The following STX2 variants were observed in gnomAD, a reference collection of about 807,000 sequenced individuals.
The protein encoded by STX2 is syntaxin 2.
Under a neutral mutation model 40.6 loss-of-function variants are expected in STX2, and 27 were observed. That is an observed-to-expected ratio of 0.66 (90% CI 0.49 to 0.92). The LOEUF (loss-of-function observed/expected upper bound fraction) is 0.92. Among genes scored for constraint, STX2 ranks in the 40% least tolerant of loss-of-function variants. The pLI, the probability that STX2 is intolerant of heterozygous loss-of-function variation, is 0.00. For synonymous variants in STX2, 123 were observed against 119.1 expected (o/e 1.03, Z -0.22); for missense variants, 328 against 366.1 (o/e 0.90, Z 0.85).
intron 2 of STX2, among the ~76,000 whole-genome samples, chr12:130,822,780 C>G (rs1037194382): frequency 6.6e-6 from 1 of 152,146 alleles, no homozygotes; most frequent in African/African-American, 2.4e-5. Context: ...CCAGAGGCTG[C>G]AATGTGTGTG....
At chr12:130,818,828 G>A (rs1951999223) in intron 3 of STX2, among the ~76,000 whole-genome samples, 2 of 152,150 alleles carry the variant, frequency 1.3e-5, no homozygotes, top group Admixed American at 1.3e-4. Flanking sequence ...GCTGACTGCA[G>A]GAGCGAATCA....
intron 5 of STX2, among the ~76,000 whole-genome samples, chr12:130,808,287 G>A (rs370305747): frequency 2.6e-4 from 39 of 152,062 alleles, no homozygotes; most frequent in South Asian, 1.5e-3. Flanking sequence ...TGGCCACCCC[G>A]CTGCCTACCC....
Position 130,806,980 on chromosome 12 carries a change from A to G in STX2, c.463+2T>C. 1 of 1,613,668 alleles carries G rather than the reference A, an allele frequency of 6.2e-7. No individual in the cohort carries two copies. Among genetic ancestry groups the G allele is most frequent in the East Asian group, 2.2e-5 (1 of 44,868 alleles). On this transcript the variant is annotated splice_donor_variant, in intron 6 of 10. Transcript: ENST00000392373. LOFTEE classifies it high-confidence loss of function. ...AACAAAGACGGAGTCTCCATTACTC[A>G]CTTATCTCCAGCTGGCGCTGGATGC...
At chr12:130,793,212 T>C (rs1386660114) in intron 10 of STX2, among the ~76,000 whole-genome samples, 1 of 152,108 alleles carries the variant, frequency 6.6e-6, no homozygotes, top group African/African-American at 2.4e-5. Flanking sequence ...CGGGGAGAGC[T>C]GCCTGCAGGA....
At chr12:130,814,873 G>A (rs184104201) in intron 3 of STX2, among the ~76,000 whole-genome samples, 142 of 152,180 alleles carry the variant, frequency 9.3e-4, no homozygotes, top group Middle Eastern at 3.4e-3. Flanking sequence ...CTGACCTCGA[G>A]ATCCGCCCAC....
intron 6 of STX2, among the ~76,000 whole-genome samples, chr12:130,803,789 G>A (rs539985308): frequency 2.0e-5 from 3 of 152,006 alleles, no homozygotes; most frequent in Non-Finnish European, 4.4e-5. Context: ...AATGTGAAAT[G>A]CAGTATACAT....
At chr12:130,836,265 T>C (rs893304508) in intron 1 of STX2, among the ~76,000 whole-genome samples, 1 of 152,098 alleles carries the variant, frequency 6.6e-6, no homozygotes, top group Admixed American at 6.6e-5. Flanking sequence ...AGGGAGAAGG[T>C]TGTTCTTTTC....
chr12:130,810,297 T>A (rs7307268), intron 4 of STX2, among the ~76,000 whole-genome samples: 7,139 of 152,218 alleles, frequency 0.047, 521 homozygotes, highest in African/African-American at 0.16. Context: ...TTCAAAAAAA[T>A]TTTTAGTCCT....
chr12:130,824,516 T>G (rs1466945767), intron 2 of STX2, among the ~76,000 whole-genome samples: 1 of 152,182 alleles, frequency 6.6e-6, no homozygotes, highest in East Asian at 1.9e-4. Context: ...CCCGTATGGC[T>G]CCAGAGGAAC....
chr12:130,800,936 A>G (rs1951200978), intron 8 of STX2, among the ~76,000 whole-genome samples: 1 of 152,248 alleles, frequency 6.6e-6, no homozygotes, highest in Admixed American at 6.5e-5. Context: ...TGAACACTCC[A>G]TAATTTAATC....
intron 1 of STX2, among the ~76,000 whole-genome samples, chr12:130,829,345 T>G (rs1952465177): frequency 6.6e-6 from 1 of 152,234 alleles, no homozygotes; most frequent in Non-Finnish European, 1.5e-5. Flanking sequence ...TCATTAATTT[T>G]ATGGTCCCCA....
intron 1 of STX2, among the ~76,000 whole-genome samples, chr12:130,837,233 C>T (rs1952780648): frequency 6.6e-6 from 1 of 152,006 alleles, no homozygotes; most frequent in Non-Finnish European, 1.5e-5. Context: ...CTAGCTTAGC[C>T]TCCTGAGTAC....
intron 1 of STX2, among the ~76,000 whole-genome samples, chr12:130,835,735 C>T (rs146001327): frequency 8.5e-4 from 130 of 152,238 alleles, no homozygotes; most frequent in African/African-American, 2.9e-3. Flanking sequence ...GCTGGATGGG[C>T]GAGTCTTTTA....
At chr12:130,793,206 G>A (rs550744039) in intron 10 of STX2, among the ~76,000 whole-genome samples, 1 of 152,166 alleles carries the variant, frequency 6.6e-6, no homozygotes, top group Non-Finnish European at 1.5e-5. Context: ...CAGGACCGGG[G>A]AGAGCTGCCT....
intron 3 of STX2, among the ~76,000 whole-genome samples, chr12:130,818,189 T>TATATATATATAG (rs1951956491): frequency 1.7e-5 from 1 of 58,050 alleles, no homozygotes; most frequent in Non-Finnish European, 3.0e-5. Context: ...AAAAAAAATA[T>TATATATATATAG]ATATATATAT....
intron 1 of STX2, among the ~76,000 whole-genome samples, chr12:130,833,482 C>G (rs1208012856): frequency 1.4e-5 from 2 of 147,950 alleles, no homozygotes; most frequent in Non-Finnish European, 3.0e-5. Flanking sequence ...AGGATCTTGG[C>G]TTACTGCAAC....
chr12:130,795,352 G>A (rs1353974641), intron 10 of STX2, among the ~76,000 whole-genome samples: 1 of 152,068 alleles, frequency 6.6e-6, no homozygotes, highest in Non-Finnish European at 1.5e-5. Context: ...TAAAACTCAG[G>A]AGACAAAACA....
At chr12:130,831,300 GA>G (rs1438814729) in intron 1 of STX2, among the ~76,000 whole-genome samples, 1 of 152,192 alleles carries the variant, frequency 6.6e-6, no homozygotes, top group African/African-American at 2.4e-5. Flanking sequence ...TTTGTTGCTA[GA>G]ATACTTTGAC....
In STX2 at chr12:130,821,801, G is replaced by A. The variant is rs1282001366; in HGVS notation, c.106-13C>T. Reference sequence around the variant, plus strand: ...TAATCTCCTCCACCTAGGAGAGAGAGAGAGTCATTACAGCATGGCAAACTC... The same window carrying A: ...TAATCTCCTCCACCTAGGAGAGAGAAAGAGTCATTACAGCATGGCAAACTC... On this transcript the variant is annotated splice_polypyrimidine_tract_variant and intron_variant, in intron 2 of 10. Coordinates refer to ENST00000392373, the MANE Select transcript of STX2 (RefSeq NM_194356.4). 1.3e-6 allele frequency: 2 copies of A among 1,557,506 alleles called. No homozygotes were observed. The highest frequency in any genetic ancestry group is 1.8e-6 in the Non-Finnish European group (2 of 1,129,602).
Sources: allele counts gnomAD v4.1 joint callset (sites outside exome capture counted in the v4.1 genomes callset), GRCh38; gene constraint gnomAD v4.1.1; transcripts MANE v1.5; gene names NCBI Gene and HGNC (gene_info 2026-07-23, HGNC 2026-07-21).